The following SOX5 variants were observed in gnomAD, a reference collection of about 807,000 sequenced individuals.
SOX5 encodes transcription factor SOX-5.
In SOX5, 9 loss-of-function variants were observed where a neutral mutation model predicts 92.0. That is an observed-to-expected ratio of 0.10 (90% confidence interval 0.06 to 0.17). SOX5 has a LOEUF of 0.17. SOX5 is among the 10% of genes least tolerant of loss of function. The pLI is 1.00. For missense variants in SOX5, 642 were observed against 944.5 expected, an observed-to-expected ratio of 0.68 and a Z score of 4.20; for synonymous variants, 344 against 336.3, an observed-to-expected ratio of 1.02 and a Z score of -0.25.
chr12:24,277,516 A>C lies in SOX5; in HGVS notation c.-173-204T>G, dbSNP rs12229248. 2.0e-3 allele frequency among the ~76,000 whole-genome samples: 235 copies of C among 119,786 alleles called. 1 individual carries two copies. The highest frequency in any genetic ancestry group is 6.3e-3 in the East Asian group (30 of 4,776). The allele number at this position is 119,786 out of a possible 152,430, so 78.6% of individuals were successfully genotyped here. A position where few individuals can be genotyped will look rare whatever the true frequency, so the allele number is the denominator to read the frequency against. On this transcript the variant is annotated intron_variant, in intron 2 of 4. Coordinates refer to the SOX5 transcript ENST00000446891. ...AATTTACATTTAAATATATAAATATATATTTATATGTATATAATTTATATG... is the reference window on the plus strand; with the variant it reads ...AATTTACATTTAAATATATAAATATCTATTTATATGTATATAATTTATATG...
At chr12:24,381,103 C>G in intron 1 of SOX5, among the ~76,000 whole-genome samples, 1 of 152,280 alleles carries the variant, frequency 6.6e-6, no homozygotes, top group Middle Eastern at 3.4e-3. Context: ...AAGACCTTAT[C>G]TTTGGAAGTA....
intron 1 of SOX5, among the ~76,000 whole-genome samples, chr12:23,916,444 G>C (rs1225202187): frequency 2.0e-5 from 3 of 152,290 alleles, no homozygotes; most frequent in African/African-American, 7.2e-5. Context: ...GTGATGTCGA[G>C]ATAGTTTAAA....
At chr12:23,740,574 T>C (rs1416080739) in intron 5 of SOX5, among the ~76,000 whole-genome samples, 1 of 152,212 alleles carries the variant, frequency 6.6e-6, no homozygotes, top group African/African-American at 2.4e-5. Flanking sequence ...GAAAATGTTC[T>C]CTTGACTCTC....
At chr12:23,733,359 C>A (rs765805766) in intron 6 of SOX5, among the ~76,000 whole-genome samples, 4 of 152,240 alleles carry the variant, frequency 2.6e-5, no homozygotes, top group Non-Finnish European at 4.4e-5. Context: ...GTACCATCGA[C>A]TAAAAAGTCA....
intron 1 of SOX5, among the ~76,000 whole-genome samples, chr12:24,501,988 A>C (rs1948252261): frequency 6.6e-6 from 1 of 152,214 alleles, no homozygotes; most frequent in Non-Finnish European, 1.5e-5. Context: ...AATGCTCTCC[A>C]GTCTCTTCAC....
intron 4 of SOX5, among the ~76,000 whole-genome samples, chr12:23,966,140 T>C (rs912080118): frequency 7.2e-6 from 1 of 139,516 alleles, no homozygotes; most frequent in Non-Finnish European, 1.5e-5. Flanking sequence ...TGATTGTGAA[T>C]CTAACATCTT....
intron 6 of SOX5, among the ~76,000 whole-genome samples, chr12:23,711,578 T>C (rs2092058594): frequency 6.6e-6 from 1 of 152,202 alleles, no homozygotes; most frequent in Non-Finnish European, 1.5e-5. Flanking sequence ...TTTTTTTCTG[T>C]TTCAATGTGT....
At chr12:24,471,054 T>C (rs1944771374) in intron 1 of SOX5, among the ~76,000 whole-genome samples, 1 of 152,210 alleles carries the variant, frequency 6.6e-6, no homozygotes, top group Non-Finnish European at 1.5e-5. Context: ...GTCTCATTGC[T>C]GCTTTGCGGA....
chr12:23,761,983 T>A (rs1413390909), intron 3 of SOX5, among the ~76,000 whole-genome samples: 2 of 152,170 alleles, frequency 1.3e-5, no homozygotes, highest in African/African-American at 4.8e-5. Flanking sequence ...AAGTTATGTA[T>A]AATAAAATTA....
At chr12:24,485,845 T>C (rs1597208659) in intron 1 of SOX5, among the ~76,000 whole-genome samples, 1 of 152,194 alleles carries the variant, frequency 6.6e-6, no homozygotes, top group South Asian at 2.1e-4. Flanking sequence ...AGTACATGCC[T>C]CCTGCCAATA....
intron 14 of SOX5, among the ~76,000 whole-genome samples, chr12:23,535,853 T>C (rs1046433151): frequency 3.3e-5 from 5 of 152,212 alleles, no homozygotes; most frequent in African/African-American, 1.2e-4. Flanking sequence ...AAGCAATGCA[T>C]TTCTGTAGCC....
chr12:24,413,469 C>T (rs1016345090), intron 1 of SOX5, among the ~76,000 whole-genome samples: 1 of 152,104 alleles, frequency 6.6e-6, no homozygotes, highest in African/African-American at 2.4e-5. Flanking sequence ...GAATCAGTGA[C>T]GGGGCTGGGT....
At chr12:23,632,887 A>G (rs953772605) in intron 8 of SOX5, among the ~76,000 whole-genome samples, 1 of 152,142 alleles carries the variant, frequency 6.6e-6, no homozygotes, top group African/African-American at 2.4e-5. Flanking sequence ...ATGAGGTTTC[A>G]TTTATGACAA....
chr12:23,675,294 T>C (rs1171651167), intron 6 of SOX5, among the ~76,000 whole-genome samples: 2 of 152,200 alleles, frequency 1.3e-5, no homozygotes, highest in Non-Finnish European at 2.9e-5. Flanking sequence ...ACTTACAATT[T>C]TTTTCTGGCC....
intron 1 of SOX5, among the ~76,000 whole-genome samples, chr12:24,524,383 C>CTATG (rs1555335468): frequency 1.1e-4 from 17 of 151,894 alleles, no homozygotes; most frequent in African/African-American, 4.1e-4. Context: ...ATCTATCTAT[C>CTATG]TATCCATCCA....
At position 23,797,485 on chromosome 12, in the gene SOX5, T is replaced by C. The variant is rs185911909; in HGVS notation, c.482-41761A>G. 4.6e-5 allele frequency among the ~76,000 whole-genome samples: 7 copies of C among 152,096 alleles called. 1 individual carries two copies. In the East Asian group the frequency reaches 1.2e-3, roughly 25 times the overall value. On this transcript the variant is annotated intron_variant, in intron 3 of 14. Transcript: ENST00000451604. ...TCCTGAAAGACAGACTTCAAAGTGA[T>C]AACTCTTCGGCATTTGCACCCCTCT...
intron 1 of SOX5, among the ~76,000 whole-genome samples, chr12:24,486,477 C>T (rs1451523414): frequency 3.3e-5 from 5 of 152,184 alleles, no homozygotes; most frequent in Non-Finnish European, 7.3e-5. Flanking sequence ...ACCTGACTCC[C>T]TCTAAAAACT....
At chr12:23,917,795 T>C (rs971448383) in intron 1 of SOX5, among the ~76,000 whole-genome samples, 1 of 152,180 alleles carries the variant, frequency 6.6e-6, no homozygotes, top group Admixed American at 6.5e-5. Flanking sequence ...GTGGGTATGA[T>C]TGGCTAATAT....
Position 23,604,463 on chromosome 12 carries a change from C to A in SOX5, c.1088G>T (p.Gly363Val). ...AGGAGATACAGCAGCACCAAGGTTGCCTTGGGGTATGCCTGGCAGCTTCCC... is the reference window on the plus strand; with the variant it reads ...AGGAGATACAGCAGCACCAAGGTTGACTTGGGGTATGCCTGGCAGCTTCCC... ...PGGKLPGIPQ[G>V]NLGAAVSPTS... Residue 363 changes from glycine to valine, a missense_variant, in exon 9 of 15, where the codon GGC becomes GTC. Gly to Val is a moderately radical substitution (Grantham distance 109). This residue lies in a region of SOX5 where 324 missense variants were observed against 461.6 expected (regional missense o/e 0.70). Coordinates refer to ENST00000451604, the MANE Select transcript of SOX5 (RefSeq NM_006940.6). 1 of 1,613,840 alleles carries A rather than the reference C, an allele frequency of 6.2e-7. No individual in the cohort carries two copies. The highest frequency in any genetic ancestry group is 8.5e-7 in the Non-Finnish European group (1 of 1,179,840).
Sources: gnomAD v4.1 joint callset for allele counts (sites outside exome capture counted in the v4.1 genomes callset) on GRCh38, gnomAD v4.1.1 for gene constraint, gnomAD v4.1.1 regional missense constraint, MANE v1.5 for transcripts, NCBI Gene and HGNC (gene_info 2026-07-23, HGNC 2026-07-21) for gene names.